NFASC: variants seen among roughly 807,000 people sequenced by gnomAD.
The protein encoded by NFASC is neurofascin, also known as neurofascin homolog.
Under a neutral mutation model 147.5 loss-of-function variants are expected in NFASC, and 43 were observed. The observed-to-expected ratio is 0.29, with a 90% CI of 0.23 to 0.38. The LOEUF (loss-of-function observed/expected upper bound fraction) is 0.38. NFASC is among the 10% of genes least tolerant of loss of function. The probability of loss-of-function intolerance (pLI) is 1.00; values close to 1 mark genes in which losing one functional copy is unlikely to be tolerated. For missense variants in NFASC, 1,320 were observed against 1,689.0 expected (o/e 0.78, Z 3.83); for synonymous variants, 622 against 665.5 (o/e 0.93, Z 1.01).
chr1:204,901,757 G>T (rs2084656733), intron 1 of NFASC, among the ~76,000 whole-genome samples: 1 of 152,106 alleles, frequency 6.6e-6, no homozygotes, highest in African/African-American at 2.4e-5. Flanking sequence ...AAGCTTCTAG[G>T]AAAGAGCCAG....
chr1:204,924,297 G>A (rs891734147), intron 2 of NFASC, among the ~76,000 whole-genome samples: 7 of 152,232 alleles, frequency 4.6e-5, no homozygotes, highest in Non-Finnish European at 8.8e-5. Flanking sequence ...AGGCTGCAGG[G>A]AGGGAGAGAA....
chr1:204,857,921 T>C (rs2076303854), intron 1 of NFASC, among the ~76,000 whole-genome samples: 2 of 143,436 alleles, frequency 1.4e-5, no homozygotes, highest in East Asian at 2.1e-4. Context: ...TTCTTCTTCT[T>C]TTTTTTTTTT....
chr1:204,857,404 T>C (rs2076246407), intron 1 of NFASC, among the ~76,000 whole-genome samples: 1 of 152,258 alleles, frequency 6.6e-6, no homozygotes, highest in African/African-American at 2.4e-5. Context: ...TGGAATATCC[T>C]GCTGTGATGG....
chr1:204,913,377 A>G (rs1196524978), intron 1 of NFASC, among the ~76,000 whole-genome samples: 1 of 152,208 alleles, frequency 6.6e-6, no homozygotes, highest in Non-Finnish European at 1.5e-5. Context: ...GACAAGCAAG[A>G]GTAAGCAGAA....
At chr1:204,967,079 G>A (rs927264816) in intron 8 of NFASC, among the ~76,000 whole-genome samples, 1 of 152,106 alleles carries the variant, frequency 6.6e-6, no homozygotes, top group Non-Finnish European at 1.5e-5. Context: ...CTCACCCCAG[G>A]TGTCTCTGAG....
intron 11 of NFASC, 94 bp from the exon 12 acceptor site, chr1:204,973,182 C>T (rs572960368): frequency 9.3e-6 from 13 of 1,397,452 alleles, no homozygotes; most frequent in Non-Finnish European, 1.2e-5. Context: ...CCCACAGCAC[C>T]CCGCTTGTTC....
chr1:204,869,669 T>C (rs2077426404), intron 1 of NFASC, among the ~76,000 whole-genome samples: 1 of 152,178 alleles, frequency 6.6e-6, no homozygotes, highest in Non-Finnish European at 1.5e-5. Context: ...AGGCACAGTT[T>C]CCCGAGGCTC....
intron 3 of NFASC, chr1:204,946,250 G>A (rs983613896): frequency 4.2e-6 from 2 of 470,896 alleles, no homozygotes; most frequent in East Asian, 1.2e-4. Flanking sequence ...GGAATCGCAG[G>A]TGTCATGCAC....
intron 1 of NFASC, among the ~76,000 whole-genome samples, chr1:204,909,572 G>A (rs949004555): frequency 2.0e-5 from 3 of 152,164 alleles, no homozygotes; most frequent in Non-Finnish European, 4.4e-5. Flanking sequence ...TTTTAGTGAA[G>A]TTCAGTTTAT....
At chr1:205,012,171 C>T (rs1244426538) in intron 28 of NFASC, among the ~76,000 whole-genome samples, 1 of 152,268 alleles carries the variant, frequency 6.6e-6, no homozygotes, top group Non-Finnish European at 1.5e-5. Flanking sequence ...CCGTAGCTGA[C>T]ACCGAAAGAA....
At position 205,018,148 on chromosome 1, in the gene NFASC, G is replaced by A. The variant is rs2096376388; in HGVS notation, c.*1609G>A. ...GGTACCTAGCCTCAGAGACAGAGAA[G>A]GAGAGGGGGAGATCTTGAGTCTAAG... On this transcript the variant is annotated 3_prime_UTR_variant, in exon 30 of 30. Transcript: ENST00000339876. 1 of 152,586 alleles carries A rather than the reference G, an allele frequency of 6.6e-6. No homozygotes were observed. Among genetic ancestry groups the A allele is most frequent in the Non-Finnish European group, 1.5e-5 (1 of 68,032 alleles). 9.5% of individuals were successfully genotyped at this position (152,586 alleles called of 1,614,324 possible).
chr1:205,014,078 TCTC>T (rs1328475179), intron 29 of NFASC, among the ~76,000 whole-genome samples: 1 of 152,142 alleles, frequency 6.6e-6, no homozygotes, highest in Non-Finnish European at 1.5e-5. Context: ...CCACAGGGCT[TCTC>T]CTCCCCCAGA....
intron 17 of NFASC, 128 bp from the exon 18 acceptor site, chr1:204,978,840 A>T: frequency 1.5e-6 from 1 of 668,848 alleles, no homozygotes; most frequent in Non-Finnish European, 2.5e-6. Flanking sequence ...CTCACCCCTC[A>T]GGGCAGGCTG....
chr1:204,864,664 A>G (rs1416253573), intron 1 of NFASC, among the ~76,000 whole-genome samples: 1 of 152,128 alleles, frequency 6.6e-6, no homozygotes, highest in Non-Finnish European at 1.5e-5. Context: ...CTTCTTGGCC[A>G]TTTATGTGTC....
chr1:204,928,653 C>T (rs1279835736), intron 2 of NFASC, among the ~76,000 whole-genome samples: 1 of 152,280 alleles, frequency 6.6e-6, no homozygotes, highest in East Asian at 1.9e-4. Context: ...AGGTCCATAA[C>T]AAGTGGATGG....
At chr1:205,005,869 G>A (rs1364380169) in intron 27 of NFASC, among the ~76,000 whole-genome samples, 2 of 152,170 alleles carry the variant, frequency 1.3e-5, no homozygotes, top group African/African-American at 2.4e-5. Context: ...CACCTGGTAC[G>A]TCAGGAATGA....
At chr1:204,887,319 A>G (rs1405623985) in intron 1 of NFASC, among the ~76,000 whole-genome samples, 3 of 152,212 alleles carry the variant, frequency 2.0e-5, no homozygotes, top group Non-Finnish European at 4.4e-5. Context: ...AGGTTGTAGC[A>G]TGAGTCAAAA....
Position 204,828,721 on chromosome 1 carries a change from G to T in NFASC, c.-261G>T. On this transcript the variant is annotated 5_prime_UTR_variant, in exon 1 of 30. Coordinates refer to ENST00000339876, the MANE Select transcript of NFASC (RefSeq NM_001005388.3). ...AGGCGCTGCAGGGGACGCGGGGGAAGTGGCGGCGCCGGCAGCGGACAGCTC... is the reference window on the plus strand; with the variant it reads ...AGGCGCTGCAGGGGACGCGGGGGAATTGGCGGCGCCGGCAGCGGACAGCTC... 1.0e-6 allele frequency: 1 copy of T among 985,876 alleles called. No homozygotes were observed. The highest frequency in any genetic ancestry group is 1.2e-6 in the Non-Finnish European group (1 of 830,348). The allele number at this position is 985,876 out of a possible 1,614,324, so 61.1% of individuals were successfully genotyped here.
chr1:204,977,428 G>C (rs924481667), intron 16 of NFASC, among the ~76,000 whole-genome samples: 2 of 152,226 alleles, frequency 1.3e-5, no homozygotes, highest in Non-Finnish European at 2.9e-5. Flanking sequence ...CACAGTTGCA[G>C]AGAGGGTGGG....
Sources: gnomAD v4.1 joint callset for allele counts (sites outside exome capture counted in the v4.1 genomes callset) on GRCh38, gnomAD v4.1.1 for gene constraint, MANE v1.5 for transcripts, NCBI Gene and HGNC (gene_info 2026-07-23, HGNC 2026-07-21) for gene names.